The following NBEA variants were observed in gnomAD, a reference collection of about 807,000 sequenced individuals.
NBEA encodes the protein neurobeachin.
NBEA carries 44 observed loss-of-function variants against 343.4 expected under a neutral mutation model. The observed-to-expected ratio is 0.13, with a 90% CI of 0.10 to 0.16. The LOEUF is 0.16. NBEA is among the 10% of genes least tolerant of loss of function. The pLI is 1.00. For synonymous variants in NBEA, 1,175 were observed against 1,238.7 expected (o/e 0.95, Z 1.08); for missense variants, 2,555 against 3,631.3 (o/e 0.70, Z 7.62).
At chr13:35,260,655 A>G (rs529369643) in intron 34 of NBEA, among the ~76,000 whole-genome samples, 44 of 152,372 alleles carry the variant, frequency 2.9e-4, no homozygotes, top group African/African-American at 8.2e-4. Flanking sequence ...AAATCTGCCT[A>G]TAAGCCCCTT....
At chr13:35,220,961 A>G (rs1168920811) in intron 33 of NBEA, among the ~76,000 whole-genome samples, 5 of 152,098 alleles carry the variant, frequency 3.3e-5, no homozygotes, top group African/African-American at 1.2e-4. Context: ...AGTCTACTTT[A>G]CTAATTATCT....
At chr13:35,307,487 T>A (rs1205546733) in intron 35 of NBEA, among the ~76,000 whole-genome samples, 2 of 152,060 alleles carry the variant, frequency 1.3e-5, no homozygotes, top group African/African-American at 4.8e-5. Context: ...TAATTTTAGA[T>A]TGATTCAAAG....
chr13:35,365,328 ATTAG>A lies in NBEA; in HGVS notation c.6179+13008_6179+13011del, dbSNP rs991909232. ...CTACTTTTTCAGCAACAGAAAAGTC[ATTAG>A]TTTTAAAATAAAAATTAGTTTTTGG... is the stretch of plus-strand genomic sequence containing the variant. On this transcript the variant is annotated intron_variant, in intron 38 of 58. Coordinates refer to ENST00000379939, the MANE Select transcript of NBEA (RefSeq NM_001385012.1). Among the ~76,000 whole-genome samples, 6 of 151,858 alleles carry A rather than the reference ATTAG, an allele frequency of 4.0e-5. No homozygotes were observed. In the East Asian group the frequency reaches 1.2e-3, roughly 29 times the overall value.
At chr13:35,156,235 T>A (rs2069161915) in intron 20 of NBEA, 29 bp downstream of exon 20, 2 of 1,506,076 alleles carry the variant, frequency 1.3e-6, no homozygotes, top group South Asian at 2.6e-5. Flanking sequence ...GTAACAACAC[T>A]TTATTCCATA....
At chr13:35,590,417 T>C (rs2081478927) in intron 46 of NBEA, among the ~76,000 whole-genome samples, 1 of 152,178 alleles carries the variant, frequency 6.6e-6, no homozygotes, top group Admixed American at 6.6e-5. Context: ...TTTAAAACAC[T>C]GAAATGTGGA....
At chr13:35,265,484 C>T (rs2033597843) in intron 34 of NBEA, among the ~76,000 whole-genome samples, 1 of 151,742 alleles carries the variant, frequency 6.6e-6, no homozygotes, top group African/African-American at 2.4e-5. Flanking sequence ...GCTATAGTAA[C>T]CCAAACAACA....
At chr13:35,446,850 A>T (rs1448839729) in intron 39 of NBEA, among the ~76,000 whole-genome samples, 1 of 152,062 alleles carries the variant, frequency 6.6e-6, no homozygotes, top group Admixed American at 6.6e-5. Context: ...ACTTTTCAAT[A>T]AATGAAAACC....
At chr13:35,235,765 G>A (rs2075198494) in intron 34 of NBEA, among the ~76,000 whole-genome samples, 1 of 152,124 alleles carries the variant, frequency 6.6e-6, no homozygotes, top group South Asian at 2.1e-4. Context: ...AAATGATTGA[G>A]TAATTGAGAG....
At chr13:35,247,267 A>G (rs2031351257) in intron 34 of NBEA, among the ~76,000 whole-genome samples, 1 of 152,142 alleles carries the variant, frequency 6.6e-6, no homozygotes, top group Non-Finnish European at 1.5e-5. Flanking sequence ...ATGTCTTCAC[A>G]CTGAATTCTT....
intron 46 of NBEA, among the ~76,000 whole-genome samples, chr13:35,585,492 G>T (rs2081256556): frequency 6.6e-6 from 1 of 151,842 alleles, no homozygotes; most frequent in Non-Finnish European, 1.5e-5. Context: ...TAACTGTTCT[G>T]CTCAGTCTCC....
At chr13:35,337,622 C>T (rs1490746596) in intron 36 of NBEA, among the ~76,000 whole-genome samples, 1 of 151,976 alleles carries the variant, frequency 6.6e-6, no homozygotes, top group Non-Finnish European at 1.5e-5. Flanking sequence ...TATATGTCAC[C>T]TAGACCTCCC....
At chr13:35,322,861 G>T (rs1046328021) in intron 36 of NBEA, among the ~76,000 whole-genome samples, 1 of 152,018 alleles carries the variant, frequency 6.6e-6, no homozygotes, top group Admixed American at 6.6e-5. Context: ...ATTATATTTT[G>T]TTTTTTGAGA....
At chr13:35,144,929 C>G (rs1318478846) in intron 18 of NBEA, among the ~76,000 whole-genome samples, 1 of 152,076 alleles carries the variant, frequency 6.6e-6, no homozygotes, top group Non-Finnish European at 1.5e-5. Flanking sequence ...TATTAAAGGT[C>G]GAAGGAAGGA....
chr13:35,240,596 T>C (rs2030082979), intron 34 of NBEA, among the ~76,000 whole-genome samples: 1 of 151,900 alleles, frequency 6.6e-6, no homozygotes, highest in Admixed American at 6.6e-5. Flanking sequence ...AGTTGGTCTC[T>C]TCAAAATAAA....
At chr13:35,249,143 C>A (rs1333570695) in intron 34 of NBEA, among the ~76,000 whole-genome samples, 3 of 141,166 alleles carry the variant, frequency 2.1e-5, no homozygotes, top group African/African-American at 8.0e-5. Context: ...AAGTGAAACT[C>A]CATCTTACAA....
chr13:35,017,422 G>A (rs751009453), intron 1 of NBEA, among the ~76,000 whole-genome samples: 3 of 152,126 alleles, frequency 2.0e-5, no homozygotes, highest in Non-Finnish European at 2.9e-5. Context: ...GTCACTTTGT[G>A]TTCATATAAG....
intron 1 of NBEA, among the ~76,000 whole-genome samples, chr13:35,039,274 A>G (rs907235727): frequency 1.3e-4 from 19 of 149,708 alleles, no homozygotes; most frequent in African/African-American, 4.0e-4. Context: ...ACTGTTTTCT[A>G]TCTTTTCAGT....
At chr13:35,314,188 A>G (rs865835304) in intron 36 of NBEA, among the ~76,000 whole-genome samples, 13 of 152,248 alleles carry the variant, frequency 8.5e-5, no homozygotes, top group South Asian at 6.2e-4. Flanking sequence ...GCTGAGAATA[A>G]AAGGAATTGG....
rs546107152 is a variant in NBEA at position 35,045,753 on chromosome 13, G to A, written c.723+352G>A. 3.3e-5 allele frequency among the ~76,000 whole-genome samples: 5 copies of A among 149,846 alleles called. No homozygotes were observed. The South Asian group carries it at 6.3e-4, about 19-fold the overall frequency. On this transcript the variant is annotated intron_variant, in intron 4 of 58. Transcript: ENST00000379939. ...TTTTGTTTTGTTTTGTGTTTTTGAC[G>A]GAGGCTTGCTGTCACCCAGGCTGGA...
Sources: allele counts gnomAD v4.1 joint callset (sites outside exome capture counted in the v4.1 genomes callset), GRCh38; gene constraint gnomAD v4.1.1; transcripts MANE v1.5; gene names NCBI Gene and HGNC (gene_info 2026-07-23, HGNC 2026-07-21).